Variants in HNF4G observed in about 807,000 individuals in gnomAD.
The protein encoded by HNF4G is hepatocyte nuclear factor 4 gamma, also known as hepatocyte nuclear factor 4-gamma.
In HNF4G, 21 loss-of-function variants were observed where a neutral mutation model predicts 50.9. That is an observed-to-expected ratio of 0.41 (90% CI 0.29 to 0.59). The LOEUF is 0.59. Ranked by LOEUF, HNF4G falls within the 20% of genes least tolerant of loss-of-function variation. The pLI, the probability that HNF4G is intolerant of heterozygous loss-of-function variation, is 0.26. For missense variants in HNF4G, 527 were observed against 559.4 expected (o/e 0.94, Z 0.58); for synonymous variants, 198 against 185.6 (o/e 1.07, Z -0.54).
chr8:75,479,067 T>C (rs1812310969), intron 1 of HNF4G, among the ~76,000 whole-genome samples: 1 of 152,178 alleles, frequency 6.6e-6, no homozygotes. Flanking sequence ...GAAAAATATC[T>C]AGCACAGAAT....
chr8:75,423,855 C>T (rs1293181194), intron 1 of HNF4G, among the ~76,000 whole-genome samples: 6 of 105,994 alleles, frequency 5.7e-5, no homozygotes, highest in Admixed American at 2.9e-4. Flanking sequence ...TAAGGAGTCT[C>T]GCTCTGTCTC....
intron 5 of HNF4G, among the ~76,000 whole-genome samples, 175 bp from the exon 6 acceptor site, chr8:75,555,807 T>C (rs757967704): frequency 5.9e-5 from 9 of 152,014 alleles, no homozygotes; most frequent in Non-Finnish European, 1.0e-4. Flanking sequence ...TAAGTTCTAT[T>C]GACATGCTAT....
At chr8:75,428,536 C>A (rs1810937405) in intron 1 of HNF4G, among the ~76,000 whole-genome samples, 1 of 152,026 alleles carries the variant, frequency 6.6e-6, no homozygotes, top group Non-Finnish European at 1.5e-5. Context: ...ATAGCTGATA[C>A]AATCTAATCA....
intron 1 of HNF4G, among the ~76,000 whole-genome samples, chr8:75,540,301 A>G (rs1014748000): frequency 7.2e-5 from 11 of 152,182 alleles, no homozygotes; most frequent in Admixed American, 3.9e-4. Flanking sequence ...GGTTTTGTGT[A>G]ATAAAGTAAT....
At chr8:75,561,553 C>T (rs1563556641) in intron 9 of HNF4G, among the ~76,000 whole-genome samples, 1 of 152,116 alleles carries the variant, frequency 6.6e-6, no homozygotes, top group Non-Finnish European at 1.5e-5. Context: ...TGCTCAATGA[C>T]CAATCATGGA....
At chr8:75,558,461 A>T in intron 6 of HNF4G, 57 bp from the exon 7 acceptor site, 1 of 1,535,964 alleles carries the variant, frequency 6.5e-7, no homozygotes, top group Admixed American at 1.9e-5. Flanking sequence ...CAGTGCTGAC[A>T]ATTTGGGGAG....
At chr8:75,556,130 A>G (rs536572509) in intron 6 of HNF4G, 61 bp downstream of exon 6, 8 of 895,022 alleles carry the variant, frequency 8.9e-6, no homozygotes, top group African/African-American at 6.9e-5. Flanking sequence ...GCAATATTAT[A>G]CAGGGTCTGT....
At chr8:75,412,426 T>C (rs1810522318) in intron 1 of HNF4G, among the ~76,000 whole-genome samples, 1 of 152,222 alleles carries the variant, frequency 6.6e-6, no homozygotes, top group Non-Finnish European at 1.5e-5. Flanking sequence ...TTATTTAAAT[T>C]AAGCATTTTG....
chr8:75,559,286 T>G (rs56074431), intron 8 of HNF4G, among the ~76,000 whole-genome samples: 97,109 of 150,704 alleles, frequency 0.64, 33,075 homozygotes, highest in African/African-American at 0.87. Flanking sequence ...TGTTTTTTTT[T>G]TTTTTTAAGA....
At position 75,413,219 on chromosome 8, in the gene HNF4G, AT is replaced by A. The variant is rs532222684; in HGVS notation, c.-144+5065del. On this transcript the variant is annotated intron_variant, in intron 1 of 10. Transcript: ENST00000354370. ...CAATCTTTAAGCAGGTTGAGTTAAG[AT>A]TTTTTTTCTTAAGATTGACTGGCAG... Among the ~76,000 whole-genome samples, 5 of 147,722 alleles carry A rather than the reference AT, an allele frequency of 3.4e-5. No individual in the cohort carries two copies. In the South Asian group the frequency reaches 8.7e-4, roughly 26 times the overall value.
chr8:75,527,087 CT>C (rs920270382), intron 2 of HNF4G: 2 of 152,114 alleles, frequency 1.3e-5, no homozygotes, highest in African/African-American at 4.8e-5. Context: ...AACAAGCATT[CT>C]TTTCACAACA....
At chr8:75,556,108 T>C in intron 6 of HNF4G, 39 bp downstream of exon 6, 1 of 1,141,026 alleles carries the variant, frequency 8.8e-7, no homozygotes, top group Non-Finnish European at 1.3e-6. Flanking sequence ...AAATTATGCA[T>C]ATTTTATTCT....
intron 2 of HNF4G, among the ~76,000 whole-genome samples, chr8:75,499,704 T>C (rs530312103): frequency 6.6e-6 from 1 of 151,984 alleles, no homozygotes; most frequent in African/African-American, 2.4e-5. Flanking sequence ...ATTAATGAAA[T>C]AGAATTTAGA....
At chr8:75,509,308 C>A (rs1278472061) in intron 2 of HNF4G, among the ~76,000 whole-genome samples, 1 of 152,122 alleles carries the variant, frequency 6.6e-6, no homozygotes, top group Non-Finnish European at 1.5e-5. Context: ...AAGGTGGAAA[C>A]CCCTGGGAGT....
Position 75,558,579 on chromosome 8 carries a change from T to C in HNF4G, c.795T>C (p.Arg265=). The change falls in exon 7 of 10, where the codon CGT becomes CGC. Residue 265 remains arginine, a synonymous_variant. Transcript: ENST00000396423. ...TTGAGATTAGCCGTGTGGCCAATCG[T>C]GTTCTAGATGAGCTGGTTAGACCAT... ...CEVEISRVAN[R]VLDELVRPFQ... The C allele has an allele frequency of 3.1e-6, 5 of 1,613,778 alleles. No individual in the cohort carries two copies. The highest frequency in any genetic ancestry group is 4.2e-6 in the Non-Finnish European group (5 of 1,179,636).
intron 1 of HNF4G, among the ~76,000 whole-genome samples, chr8:75,475,662 G>A (rs6988834): frequency 6.6e-6 from 1 of 152,020 alleles, no homozygotes; most frequent in Admixed American, 6.5e-5. Context: ...AATGGCTTAT[G>A]GATCAGTTAT....
At position 75,558,537 on chromosome 8, in the gene HNF4G, C is replaced by T. The variant is rs1807199711; in HGVS notation, c.753C>T (p.His251=). Residue 251 remains histidine, a synonymous_variant, in exon 7 of 10, where the codon CAC becomes CAT. Coordinates refer to ENST00000396423, the MANE Select transcript of HNF4G (RefSeq NM_004133.5). ...ILLLGNNYVI[H]RNSCEVEISR... Reference sequence around the variant, plus strand: ...TCATAGGAAACAACTATGTTATTCACCGCAACAGCTGTGAAGTTGAGATTA... The same window carrying T: ...TCATAGGAAACAACTATGTTATTCATCGCAACAGCTGTGAAGTTGAGATTA... 1 of 1,612,934 alleles carries T rather than the reference C, an allele frequency of 6.2e-7. No individual in the cohort carries two copies. Among genetic ancestry groups the T allele is most frequent in the Non-Finnish European group, 8.5e-7 (1 of 1,179,616 alleles).
At chr8:75,521,841 T>C (rs1806051412) in intron 2 of HNF4G, among the ~76,000 whole-genome samples, 1 of 152,190 alleles carries the variant, frequency 6.6e-6, no homozygotes, top group South Asian at 2.1e-4. Context: ...TTATAGTCAC[T>C]CCACATCTTA....
chr8:75,430,046 G>C (rs576263870), intron 1 of HNF4G, among the ~76,000 whole-genome samples: 1 of 151,990 alleles, frequency 6.6e-6, no homozygotes, highest in Admixed American at 6.6e-5. Flanking sequence ...AGCTACTAGG[G>C]AGGCTGAGGC....
Sources: gnomAD v4.1 joint callset for allele counts (sites outside exome capture counted in the v4.1 genomes callset) on GRCh38, gnomAD v4.1.1 for gene constraint, MANE v1.5 for transcripts, NCBI Gene and HGNC (gene_info 2026-07-23, HGNC 2026-07-21) for gene names.